QTMAN: variants seen among roughly 807,000 people sequenced by gnomAD.
QTMAN encodes tRNA-queuosine alpha-mannosyltransferase.
the QTMAN span, among the ~76,000 whole-genome samples, chr2:144,179,721 G>C: frequency 6.6e-6 from 1 of 152,260 alleles, no homozygotes; most frequent in African/African-American, 2.4e-5. Flanking sequence ...AAGAAGTATA[G>C]TTAGGTCACA....
chr2:144,209,519 C>T, the QTMAN span, among the ~76,000 whole-genome samples: 1 of 152,160 alleles, frequency 6.6e-6, no homozygotes, highest in Non-Finnish European at 1.5e-5. Context: ...TGTGTGTGAA[C>T]CAGTAAGGTT....
At chr2:143,962,047 T>C in the QTMAN span, among the ~76,000 whole-genome samples, 2 of 151,754 alleles carry the variant, frequency 1.3e-5, no homozygotes, top group Non-Finnish European at 2.9e-5. Context: ...CCACCAGGAG[T>C]GCTGCAGACT....
At chr2:143,941,047 A>T in the QTMAN span, 2 of 152,230 alleles carry the variant, frequency 1.3e-5, no homozygotes, top group African/African-American at 4.8e-5. Flanking sequence ...GAGAAAGAGA[A>T]GACAAATGTT....
chr2:143,978,325 C>T, the QTMAN span, among the ~76,000 whole-genome samples: 6 of 152,164 alleles, frequency 3.9e-5, no homozygotes, highest in Non-Finnish European at 5.9e-5. Context: ...TAAATCTTCC[C>T]ACTCATTCCA....
the QTMAN span, among the ~76,000 whole-genome samples, chr2:144,039,697 C>T: frequency 6.6e-6 from 1 of 152,148 alleles, no homozygotes; most frequent in Admixed American, 6.6e-5. Context: ...CTTTTCCTGA[C>T]TTCTGTTTGA....
the QTMAN span, chr2:144,179,031 G>A: frequency 1.1e-4 from 51 of 455,604 alleles, no homozygotes; most frequent in African/African-American, 7.9e-4. Context: ...AAATTATTAC[G>A]GCTAGCATTT....
the QTMAN span, among the ~76,000 whole-genome samples, chr2:144,140,255 A>G: frequency 6.6e-6 from 1 of 152,084 alleles, no homozygotes; most frequent in African/African-American, 2.4e-5. Flanking sequence ...AAATTAATAA[A>G]CTACTCAACT....
At chr2:144,201,955 C>T in the QTMAN span, among the ~76,000 whole-genome samples, 1 of 152,090 alleles carries the variant, frequency 6.6e-6, no homozygotes, top group Non-Finnish European at 1.5e-5. Context: ...TTTAGAAAGA[C>T]ATAAGGATGA....
At chr2:144,182,862 AT>A in the QTMAN span, among the ~76,000 whole-genome samples, 1 of 53,686 alleles carries the variant, frequency 1.9e-5, no homozygotes, top group Non-Finnish European at 3.4e-5. Flanking sequence ...TTTATATATA[AT>A]ATATATATAT....
At chr2:144,147,009 T>C in the QTMAN span, among the ~76,000 whole-genome samples, 1 of 151,830 alleles carries the variant, frequency 6.6e-6, no homozygotes, top group South Asian at 2.1e-4. Context: ...CAAAATATCA[T>C]CCTTGTTATT....
At chr2:143,991,811 C>T in the QTMAN span, among the ~76,000 whole-genome samples, 92 of 149,936 alleles carry the variant, frequency 6.1e-4, no homozygotes, top group South Asian at 4.2e-3. Flanking sequence ...CCCGGCCAGC[C>T]GCCTCGTCCG....
At chr2:144,164,519 CTT>C in the QTMAN span, among the ~76,000 whole-genome samples, 1 of 152,082 alleles carries the variant, frequency 6.6e-6, no homozygotes. Flanking sequence ...TCTTACTATT[CTT>C]GTTTTCATCA....
chr2:143,959,036 T>G, the QTMAN span, among the ~76,000 whole-genome samples: 1 of 152,036 alleles, frequency 6.6e-6, no homozygotes, highest in East Asian at 1.9e-4. Context: ...ATCCAACATT[T>G]AGGGTTAATA....
the QTMAN span, among the ~76,000 whole-genome samples, chr2:144,142,347 G>A: frequency 1.3e-5 from 2 of 151,810 alleles, no homozygotes; most frequent in Admixed American, 6.6e-5. Context: ...TTTCCACAAT[G>A]CCAGGAACTT....
At chr2:143,968,039 G>A in the QTMAN span, among the ~76,000 whole-genome samples, 4 of 152,176 alleles carry the variant, frequency 2.6e-5, no homozygotes, top group Non-Finnish European at 4.4e-5. Flanking sequence ...CTGTTAGGAA[G>A]CCTTTGTTGT....
the QTMAN span, among the ~76,000 whole-genome samples, chr2:144,052,055 C>T: frequency 3.3e-5 from 5 of 152,112 alleles, no homozygotes; most frequent in East Asian, 5.8e-4. Context: ...CCAAATGGGG[C>T]GACTGAGTTG....
At chr2:144,278,407 T>C in the QTMAN span, among the ~76,000 whole-genome samples, 2 of 152,172 alleles carry the variant, frequency 1.3e-5, no homozygotes, top group Non-Finnish European at 2.9e-5. Flanking sequence ...ACTAAAATTC[T>C]GTAGTATGAA....
chr2:143,964,856 C>A, the QTMAN span, among the ~76,000 whole-genome samples: 1 of 152,100 alleles, frequency 6.6e-6, no homozygotes, highest in Non-Finnish European at 1.5e-5. Context: ...TTTTTGGTTT[C>A]CTTGTAACCT....
the QTMAN span, among the ~76,000 whole-genome samples, chr2:143,966,546 A>G: frequency 6.6e-6 from 1 of 152,188 alleles, no homozygotes; most frequent in Admixed American, 6.5e-5. Flanking sequence ...GGCTGAGGAA[A>G]ACGGACTCCC....
Sources: gnomAD v4.1 joint callset for allele counts (sites outside exome capture counted in the v4.1 genomes callset) on GRCh38, gnomAD v4.1.1 for gene constraint, MANE v1.5 for transcripts, NCBI Gene and HGNC (gene_info 2026-07-23, HGNC 2026-07-21) for gene names.